Variants in SLC36A1 observed in about 807,000 individuals in gnomAD.
The protein encoded by SLC36A1 is solute carrier family 36 member 1.
Under a neutral mutation model 47.5 loss-of-function variants are expected in SLC36A1, and 30 were observed. The ratio of observed to expected loss-of-function variants is 0.63; its 90% confidence interval spans 0.47 to 0.86. The LOEUF (loss-of-function observed/expected upper bound fraction) is 0.86. SLC36A1 is among the 40% of genes least tolerant of loss of function. The pLI is 0.00. For synonymous variants in SLC36A1, 255 were observed against 249.7 expected, an observed-to-expected ratio of 1.02 and a Z score of -0.20; for missense variants, 517 against 606.0, an observed-to-expected ratio of 0.85 and a Z score of 1.54.
At chr5:151,512,957 G>A in the SLC36A1 span, among the ~76,000 whole-genome samples, 5 of 152,170 alleles carry the variant, frequency 3.3e-5, no homozygotes, top group African/African-American at 1.2e-4. This position sits in a 1 kb window ranked among gnomAD's most constrained non-coding sequence, Gnocchi z 4.1. Flanking sequence ...GGCCTTCAGC[G>A]ATTTGAAAAA....
chr5:151,379,235 G>A, the SLC36A1 span, among the ~76,000 whole-genome samples: 9 of 152,324 alleles, frequency 5.9e-5, no homozygotes, highest in South Asian at 1.2e-3. Context: ...CCAGCCTAAC[G>A]TTGGCCCTCC....
At chr5:151,355,229 C>T in the SLC36A1 span, among the ~76,000 whole-genome samples, 1 of 151,470 alleles carries the variant, frequency 6.6e-6, no homozygotes, top group Non-Finnish European at 1.5e-5. Flanking sequence ...AGGAGTTTTT[C>T]AAGAGAGGGT....
the SLC36A1 span, among the ~76,000 whole-genome samples, chr5:151,555,621 C>T: frequency 6.6e-6 from 1 of 152,158 alleles, no homozygotes; most frequent in African/African-American, 2.4e-5. Flanking sequence ...CTGCCCGCCT[C>T]AGCCTCCCAA....
the SLC36A1 span, among the ~76,000 whole-genome samples, chr5:151,518,377 T>TAATAATAATAATAATAATAATA: frequency 7.8e-6 from 1 of 128,456 alleles, no homozygotes; most frequent in African/African-American, 4.4e-5. Flanking sequence ...TAATAATAAT[T>TAATAATAATAATAATAATAATA]TTTAAAAGAA....
chr5:151,513,855 C>T, the SLC36A1 span, among the ~76,000 whole-genome samples: 227 of 152,252 alleles, frequency 1.5e-3, no homozygotes, highest in African/African-American at 5.2e-3. Context: ...GTTTTAATGT[C>T]TAATACTGAA....
chr5:151,349,893 G>T, the SLC36A1 span, among the ~76,000 whole-genome samples: 10 of 152,290 alleles, frequency 6.6e-5, no homozygotes, highest in Admixed American at 2.6e-4. Flanking sequence ...AAGTTCATCA[G>T]GTGATTCTGA....
the SLC36A1 span, chr5:151,510,170 A>G: frequency 3.7e-6 from 6 of 1,614,066 alleles, no homozygotes; most frequent in South Asian, 5.5e-5. Flanking sequence ...ATTTGCAGAC[A>G]TAGCCTAGGA....
At chr5:151,376,359 A>G in the SLC36A1 span, among the ~76,000 whole-genome samples, 1 of 152,174 alleles carries the variant, frequency 6.6e-6, no homozygotes, top group African/African-American at 2.4e-5. Context: ...TTATCTTTTC[A>G]AAGAACCAAC....
At chr5:151,386,033 C>T in the SLC36A1 span, among the ~76,000 whole-genome samples, 20 of 151,750 alleles carry the variant, frequency 1.3e-4, no homozygotes, top group African/African-American at 1.9e-4. Flanking sequence ...CACCACGTCT[C>T]GCTAACTTTT....
chr5:151,522,715 T>C, the SLC36A1 span, among the ~76,000 whole-genome samples: 1 of 152,152 alleles, frequency 6.6e-6, no homozygotes, highest in African/African-American at 2.4e-5. Flanking sequence ...ATTTGAGTCC[T>C]GAGGGATGAG....
the SLC36A1 span, among the ~76,000 whole-genome samples, chr5:151,385,658 T>C: frequency 6.6e-6 from 1 of 151,856 alleles, no homozygotes; most frequent in Non-Finnish European, 1.5e-5. Context: ...CACAGCCCCT[T>C]TTGCCAAAAT....
intron 1 of SLC36A1, among the ~76,000 whole-genome samples, chr5:151,453,226 T>TA (rs201565102): frequency 0.027 from 4,069 of 151,532 alleles, 130 homozygotes; most frequent in East Asian, 0.14. Flanking sequence ...TTAAAATAAA[T>TA]AAATAAAATA....
chr5:151,390,261 GT>G, the SLC36A1 span, among the ~76,000 whole-genome samples: 1 of 152,050 alleles, frequency 6.6e-6, no homozygotes, highest in Admixed American at 6.6e-5. Flanking sequence ...GGGGTTGTTT[GT>G]TTTTTTCTTG....
the SLC36A1 span, among the ~76,000 whole-genome samples, chr5:151,355,312 C>G: frequency 6.6e-6 from 1 of 151,760 alleles, no homozygotes; most frequent in South Asian, 2.1e-4. Context: ...CATTCTGAGG[C>G]TGCTTGAAAC....
chr5:151,405,604 G>A, the SLC36A1 span, among the ~76,000 whole-genome samples: 457 of 152,224 alleles, frequency 3.0e-3, 4 homozygotes, highest in African/African-American at 0.01. Flanking sequence ...GGGAGCTAGT[G>A]TGAACCTTTA....
chr5:151,385,342 C>T, the SLC36A1 span, among the ~76,000 whole-genome samples: 2 of 152,172 alleles, frequency 1.3e-5, no homozygotes, highest in African/African-American at 2.4e-5. Context: ...CACTCACTTA[C>T]CCTTCCCACC....
At chr5:151,504,301 T>C in the SLC36A1 span, 1 of 152,388 alleles carries the variant, frequency 6.6e-6, no homozygotes, top group Non-Finnish European at 1.5e-5. Context: ...AAACAACACA[T>C]ATGAAAAGGC....
intron 5 of SLC36A1, among the ~76,000 whole-genome samples, chr5:151,465,625 A>G (rs1160500852): frequency 6.6e-6 from 1 of 152,214 alleles, no homozygotes; most frequent in Admixed American, 6.5e-5. Flanking sequence ...GGGGAACAAG[A>G]TAAGAGACCA....
the SLC36A1 span, chr5:151,545,399 C>G: frequency 1.2e-6 from 2 of 1,614,130 alleles, no homozygotes; most frequent in Non-Finnish European, 1.7e-6. Context: ...TCAGCATTGC[C>G]AGTTTTGATG....
Sources: allele counts gnomAD v4.1 joint callset (sites outside exome capture counted in the v4.1 genomes callset), GRCh38; gene constraint gnomAD v4.1.1; non-coding constraint Gnocchi (gnomAD v3.1); transcripts MANE v1.5; gene names NCBI Gene and HGNC (gene_info 2026-07-23, HGNC 2026-07-21).